Variants in CCT4 observed in about 807,000 individuals in gnomAD.
The protein encoded by CCT4 is T-complex protein 1 subunit delta.
Under a neutral mutation model 62.5 loss-of-function variants are expected in CCT4, and 17 were observed. The observed-to-expected ratio is 0.27, with a 90% CI of 0.19 to 0.41. CCT4 has a LOEUF of 0.41. Among genes scored for constraint, CCT4 ranks in the 10% least tolerant of loss-of-function variants. The probability of loss-of-function intolerance (pLI) is 1.00; values close to 1 mark genes in which losing one functional copy is unlikely to be tolerated. For synonymous variants in CCT4, 250 were observed against 229.9 expected (o/e 1.09, Z -0.79); for missense variants, 592 against 659.2 (o/e 0.90, Z 1.12).
At chr2:61,883,329 G>C in intron 3 of CCT4, 130 bp downstream of exon 3, 2 of 563,370 alleles carry the variant, frequency 3.6e-6, no homozygotes, top group Non-Finnish European at 6.1e-6. Context: ...GCTGAGGCAG[G>C]AGAAATGAAT....
intron 12 of CCT4, among the ~76,000 whole-genome samples, chr2:61,871,347 T>C (rs981036730): frequency 5.3e-5 from 8 of 152,074 alleles, no homozygotes; most frequent in Admixed American, 1.3e-4. Context: ...CTATTAATAA[T>C]AGCTTTTATC....
chr2:61,884,014 G>A (rs1314604904), intron 2 of CCT4, among the ~76,000 whole-genome samples: 1 of 151,964 alleles, frequency 6.6e-6, no homozygotes. Context: ...ATAGATTTTT[G>A]AATATCCAGA....
At position 61,869,512 on chromosome 2, in the gene CCT4, A is replaced by C. The variant is rs112310727; in HGVS notation, c.1533T>G (p.Pro511=). The C allele has an allele frequency of 1.9e-6, 3 of 1,612,270 alleles. No individual in the cohort carries two copies. The highest frequency in any genetic ancestry group is 2.5e-6 in the Non-Finnish European group (3 of 1,178,380). Residue 511 remains proline, a synonymous_variant, in exon 13 of 14, where the codon CCT becomes CCG. Transcript: ENST00000394440. ...SNILEELVVQ[P]LLVSVSALTL... is the part of the protein sequence containing the mutation. ...TCAGAGCACTGACTGATACCAACAG[A>C]GGCTGGACAACCAGTTCCTCCAAAA...
chr2:61,885,874 T>C (rs1669237921), intron 1 of CCT4: 1 of 152,056 alleles, frequency 6.6e-6, no homozygotes, highest in South Asian at 2.1e-4. Flanking sequence ...TCTAAAATAC[T>C]GATGGAGGAG....
intron 12 of CCT4, among the ~76,000 whole-genome samples, chr2:61,870,607 T>A (rs1451748886): frequency 6.6e-6 from 1 of 152,114 alleles, no homozygotes; most frequent in African/African-American, 2.4e-5. Context: ...AATGTTCATG[T>A]CCTTAGCCTC....
chr2:61,872,046 A>C (rs372593676), intron 12 of CCT4, 36 bp downstream of exon 12: 9 of 1,373,036 alleles, frequency 6.6e-6, no homozygotes, highest in Non-Finnish European at 9.3e-6. Context: ...ATTTTAAATT[A>C]ATCAATATTT....
chr2:61,877,514 C>G lies in CCT4; in HGVS notation c.523G>C (p.Val175Leu). 1 of 1,546,064 alleles carries G rather than the reference C, an allele frequency of 6.5e-7. No individual in the cohort carries two copies. The highest frequency in any genetic ancestry group is 8.6e-7 in the Non-Finnish European group (1 of 1,157,998). ...AGCAGACTTGAATACTGAGAAACCA[C>G]CTAGAATTATTAAAAAAAAAAAAAA... ...NSATTSLNSK[V>L]VSQYSSLLSP... Residue 175 changes from valine to leucine, a missense_variant and splice_region_variant, in exon 6 of 14, where the codon GTG becomes CTG. This residue lies in a region of CCT4 where 522 missense variants were observed against 571.2 expected (regional missense o/e 0.91). Coordinates refer to ENST00000394440, the MANE Select transcript of CCT4 (RefSeq NM_006430.4).
At chr2:61,877,546 T>G (rs374534782) in intron 5 of CCT4, 32 bp from the exon 6 acceptor site, 11 of 1,466,354 alleles carry the variant, frequency 7.5e-6, no homozygotes, top group Non-Finnish European at 1.0e-5. Context: ...AAAAGTTACC[T>G]TCACAGTAGA....
intron 13 of CCT4, 29 bp from the exon 14 acceptor site, chr2:61,868,735 A>T (rs938676952): frequency 1.3e-6 from 2 of 1,512,504 alleles, no homozygotes; most frequent in Non-Finnish European, 1.8e-6. Context: ...AGATTTCAAA[A>T]CCTGTAATGA....
Position 61,881,196 on chromosome 2 carries a change from T to C in CCT4, c.271-802A>G, listed in dbSNP as rs568166175. Among the ~76,000 whole-genome samples the C allele has an allele frequency of 2.2e-4, 31 of 141,012 alleles. No individual in the cohort carries two copies. In the South Asian group the frequency reaches 7.0e-3, roughly 32 times the overall value. The allele number at this position is 141,012 out of a possible 152,430, so 92.5% of individuals were successfully genotyped here. A position where few individuals can be genotyped will look rare whatever the true frequency, so the allele number is the denominator to read the frequency against. ...ACTTCACGTAGCAGTGAAGTTTTGT[T>C]TTATTTAGCAATGCTTTCTTATTTT... On this transcript the variant is annotated intron_variant, in intron 3 of 13. Transcript: ENST00000394440.
chr2:61,888,354 C>G (rs1351974722), intron 1 of CCT4, 27 bp downstream of exon 1: 1 of 1,602,906 alleles, frequency 6.2e-7, no homozygotes, highest in Admixed American at 1.7e-5. Context: ...CCCCGCGGCG[C>G]CGCGGGTCAG....
intron 12 of CCT4, among the ~76,000 whole-genome samples, chr2:61,870,924 A>AAAAC (rs547825366): frequency 1.2e-4 from 19 of 152,016 alleles, no homozygotes; most frequent in South Asian, 4.2e-4. Flanking sequence ...CTCCAAAGAA[A>AAAAC]AAACAAACAA....
intron 3 of CCT4, among the ~76,000 whole-genome samples, chr2:61,882,896 G>C (rs545117395): frequency 6.6e-6 from 1 of 151,342 alleles, no homozygotes; most frequent in South Asian, 2.1e-4. Flanking sequence ...ACAAACTCTT[G>C]GGCTCAAATA....
rs767183916 is a variant in CCT4 at position 61,876,835 on chromosome 2, T to A, written c.777+85A>T. ...TTTGAGATCTGCTTTAAATCACTAG[T>A]AGTATTTTCTATTTTTAATAAAGAA... On this transcript the variant is annotated intron_variant, in intron 7 of 13. Coordinates refer to ENST00000394440, the MANE Select transcript of CCT4 (RefSeq NM_006430.4). 7.2e-6 allele frequency: 8 copies of A among 1,116,072 alleles called. No individual in the cohort carries two copies. In the East Asian group the frequency reaches 1.2e-4, roughly 17 times the overall value. 69.1% of individuals were successfully genotyped at this position (1,116,072 alleles called of 1,614,324 possible).
chr2:61,876,985 T>C lies in CCT4; in HGVS notation c.712A>G (p.Ile238Val). Residue 238 changes from isoleucine (I) to valine (V), a missense_variant, in exon 7 of 14, where the codon ATA becomes GTA. Ile to Val is a conservative substitution (Grantham distance 29, BLOSUM62 3). This residue lies in a region of CCT4 where 522 missense variants were observed against 571.2 expected (regional missense o/e 0.91). Coordinates refer to ENST00000394440, the MANE Select transcript of CCT4 (RefSeq NM_006430.4). Reference protein sequence around the residue: ...VLTQKVSNSGITRVEKAKIGL... With the variant: ...VLTQKVSNSGVTRVEKAKIGL... Reference sequence around the variant, plus strand: ...ATCTTGGCCTTTTCAACTCTGGTTATGCCAGAATTTGACACTTTTTGGGTG... The same window carrying C: ...ATCTTGGCCTTTTCAACTCTGGTTACGCCAGAATTTGACACTTTTTGGGTG... 6.2e-7 allele frequency: 1 copy of C among 1,613,340 alleles called. No homozygotes were observed. The highest frequency in any genetic ancestry group is 8.5e-7 in the Non-Finnish European group (1 of 1,179,262).
At chr2:61,883,115 A>T (rs957910403) in intron 3 of CCT4, among the ~76,000 whole-genome samples, 6 of 152,120 alleles carry the variant, frequency 3.9e-5, no homozygotes, top group Admixed American at 3.9e-4. Context: ...CCAAGTATCA[A>T]ACACACTTAA....
In CCT4 at chr2:61,879,120, C is replaced by T. The variant is rs74766512; in HGVS notation, c.380-109G>A. The T allele has an allele frequency of 1.1e-3, 842 of 732,874 alleles. 7 individuals carry two copies. In the African/African-American group the frequency reaches 0.013, roughly 12 times the overall value. 45.4% of individuals were successfully genotyped at this position (732,874 alleles called of 1,614,324 possible). On this transcript the variant is annotated intron_variant, in intron 4 of 13. Transcript: ENST00000394440. ...CAAAGCAAGCACAAATTTAACTATT[C>T]TTAATTACAAACTTATGCTTCAGTT... is the stretch of plus-strand genomic sequence containing the variant.
At chr2:61,880,830 C>A (rs1669096275) in intron 3 of CCT4, among the ~76,000 whole-genome samples, 1 of 152,096 alleles carries the variant, frequency 6.6e-6, no homozygotes, top group Non-Finnish European at 1.5e-5. Flanking sequence ...CTCAGTCTCC[C>A]GAGTAGCTGG....
At chr2:61,888,260 A>T in intron 1 of CCT4, 121 bp downstream of exon 1, 1 of 1,228,570 alleles carries the variant, frequency 8.1e-7, no homozygotes. Context: ...GGCTGCTTCT[A>T]TAGGGAGGAC....
Sources: gnomAD v4.1 joint callset for allele counts (sites outside exome capture counted in the v4.1 genomes callset) on GRCh38, gnomAD v4.1.1 for gene constraint, gnomAD v4.1.1 regional missense constraint, MANE v1.5 for transcripts, NCBI Gene and HGNC (gene_info 2026-07-23, HGNC 2026-07-21) for gene names.